The following RHBDL3 variants were observed in gnomAD, a reference collection of about 807,000 sequenced individuals.
RHBDL3 encodes rhomboid-related protein 3.
A neutral mutation model predicts 48.2 loss-of-function variants in RHBDL3; 28 were observed. That is an observed-to-expected ratio of 0.58 (90% confidence interval 0.43 to 0.80). The LOEUF is 0.80. Ranked by LOEUF, RHBDL3 falls within the 30% of genes least tolerant of loss-of-function variation. The pLI is 0.00. For missense variants in RHBDL3, 464 were observed against 542.7 expected, an observed-to-expected ratio of 0.85 and a Z score of 1.44; for synonymous variants, 208 against 232.3, an observed-to-expected ratio of 0.90 and a Z score of 0.95.
chr17:32,321,093 A>G lies in RHBDL3; in HGVS notation c.1079A>G (p.Asn360Ser), dbSNP rs1327601753. 6.2e-7 allele frequency: 1 copy of G among 1,614,194 alleles called. No homozygotes were observed. The highest frequency in any genetic ancestry group is 8.5e-7 in the Non-Finnish European group (1 of 1,180,016). The stretch of plus-strand genomic sequence containing the variant: ...ACCCTGGGCGTGGTGGTCCTGAGGA[A>G]CTACGAGCAGAGGCTCCAGGACCAG... ...GITLGVVVLR[N>S]YEQRLQDQSL... is the part of the protein sequence containing the mutation. Residue 360 changes from asparagine to serine, a missense_variant, in exon 9 of 9, where the codon AAC becomes AGC. By Grantham distance (46) the Asn-to-Ser change is conservative. Transcript: ENST00000269051.
At chr17:32,267,880 G>T in intron 1 of RHBDL3, 22 bp from the exon 2 acceptor site, 2 of 1,613,864 alleles carry the variant, frequency 1.2e-6, no homozygotes, top group Non-Finnish European at 1.7e-6. Flanking sequence ...TTCCTCTCCT[G>T]CATGGCCTCC....
chr17:32,283,530 A>C (rs372060151), intron 2 of RHBDL3, among the ~76,000 whole-genome samples: 11 of 151,312 alleles, frequency 7.3e-5, no homozygotes, highest in East Asian at 5.8e-4. Flanking sequence ...TCACCGTGTT[A>C]GCCAGGATGG....
intron 3 of RHBDL3, among the ~76,000 whole-genome samples, chr17:32,285,143 A>T: frequency 7.7e-6 from 1 of 129,198 alleles, no homozygotes; most frequent in African/African-American, 2.9e-5. Context: ...AGAGAGAGGG[A>T]GGGAGGGATG....
chr17:32,295,162 C>T (rs2040419321), intron 5 of RHBDL3, among the ~76,000 whole-genome samples: 1 of 152,168 alleles, frequency 6.6e-6, no homozygotes, highest in African/African-American at 2.4e-5. Context: ...TGGGGAAAAC[C>T]GTGGGGGTGC....
chr17:32,316,128 G>T, intron 7 of RHBDL3, 104 bp from the exon 8 acceptor site: 1 of 807,128 alleles, frequency 1.2e-6, no homozygotes, highest in South Asian at 1.5e-5. Context: ...TCTCATTCAG[G>T]ACTTCACGGA....
chr17:32,302,211 A>T (rs913870588), intron 6 of RHBDL3, among the ~76,000 whole-genome samples: 1 of 152,036 alleles, frequency 6.6e-6, no homozygotes, highest in African/African-American at 2.4e-5. Context: ...TCTGGAGGGG[A>T]TTCCTCCCTG....
At position 32,266,162 on chromosome 17, in the gene RHBDL3, G is replaced by T; in HGVS notation, c.-28G>T. The T allele has an allele frequency of 1.0e-6, 1 of 985,954 alleles. No homozygotes were observed. The highest frequency in any genetic ancestry group is 4.3e-5 in the East Asian group (1 of 23,254). 61.1% of individuals were successfully genotyped at this position (985,954 alleles called of 1,614,324 possible). A position where few individuals can be genotyped will look rare whatever the true frequency, so the allele number is the denominator to read the frequency against. On this transcript the variant is annotated 5_prime_UTR_variant, in exon 1 of 9. Coordinates refer to ENST00000269051, the MANE Select transcript of RHBDL3 (RefSeq NM_138328.3). ...GCGCCCCGGGACGAGCCCCGCAGCC[G>T]CCGCCGCCCCCGGACCCCGTCTCGG...
At chr17:32,309,179 AGTGTGTGT>A (rs61558385) in intron 7 of RHBDL3, among the ~76,000 whole-genome samples, 13,537 of 149,622 alleles carry the variant, frequency 0.09, 1,545 homozygotes, top group African/African-American at 0.27. Flanking sequence ...GAAGGTTTGG[AGTGTGTGT>A]GTGTGTGTGT....
chr17:32,321,404 AG>A lies in RHBDL3; in HGVS notation c.*177del. The A allele has an allele frequency of 6.6e-7, 1 of 1,525,694 alleles. No homozygotes were observed. Among genetic ancestry groups the A allele is most frequent in the South Asian group, 1.2e-5 (1 of 82,814 alleles). The allele number at this position is 1,525,694 out of a possible 1,614,324, so 94.5% of individuals were successfully genotyped here. A position where few individuals can be genotyped will look rare whatever the true frequency, so the allele number is the denominator to read the frequency against. On this transcript the variant is annotated 3_prime_UTR_variant, in exon 9 of 9. Transcript: ENST00000269051. ...CACACAGTGGAGACCCTTTTCTGAAAGGCATCTGGCGGAGGAGTTGATGTGG... is the reference window on the plus strand; with the variant it reads ...CACACAGTGGAGACCCTTTTCTGAAAGCATCTGGCGGAGGAGTTGATGTGG...
At chr17:32,283,528 T>C (rs534276542) in intron 2 of RHBDL3, among the ~76,000 whole-genome samples, 150 of 151,452 alleles carry the variant, frequency 9.9e-4, no homozygotes, top group South Asian at 1.9e-3. Context: ...TTTCACCGTG[T>C]TAGCCAGGAT....
chr17:32,286,644 T>C (rs534882947), intron 3 of RHBDL3, among the ~76,000 whole-genome samples: 2 of 152,372 alleles, frequency 1.3e-5, no homozygotes, highest in East Asian at 3.9e-4. Context: ...CTCTGCATCC[T>C]TTGTGAGCCT....
intron 6 of RHBDL3, among the ~76,000 whole-genome samples, chr17:32,299,757 G>A (rs1288341339): frequency 1.3e-5 from 2 of 152,196 alleles, no homozygotes; most frequent in African/African-American, 4.8e-5. Flanking sequence ...GATTCAAACA[G>A]AAGCAGAGCT....
At chr17:32,271,787 C>T (rs1474150717) in intron 2 of RHBDL3, among the ~76,000 whole-genome samples, 1 of 152,218 alleles carries the variant, frequency 6.6e-6, no homozygotes, top group Non-Finnish European at 1.5e-5. Context: ...TCCCTTCTCA[C>T]TGGGAGCCTG....
intron 2 of RHBDL3, among the ~76,000 whole-genome samples, chr17:32,278,431 C>T (rs545298389): frequency 6.6e-6 from 1 of 152,232 alleles, no homozygotes; most frequent in African/African-American, 2.4e-5. Context: ...CGCGAACTCA[C>T]TCTCTGACCT....
chr17:32,267,984 T>TCC, intron 2 of RHBDL3, 59 bp downstream of exon 2: 1 of 1,373,978 alleles, frequency 7.3e-7, no homozygotes, highest in South Asian at 1.2e-5. Flanking sequence ...GGTCTCAGTC[T>TCC]CCCTGCTTGC....
chr17:32,296,331 CTTTTTTTTTT>C (rs5819975), intron 5 of RHBDL3, among the ~76,000 whole-genome samples: 42 of 83,782 alleles, frequency 5.0e-4, no homozygotes, highest in Non-Finnish European at 7.2e-4. Flanking sequence ...GAATAGGTCT[CTTTTTTTTTT>C]TTTTTTTTTT....
chr17:32,321,383 C>T lies in RHBDL3; in HGVS notation c.*154C>T, dbSNP rs1231699078. On this transcript the variant is annotated 3_prime_UTR_variant, in exon 9 of 9. Transcript: ENST00000269051. The stretch of plus-strand genomic sequence containing the variant: ...ATGTTTGTGTTTAGATTTGGACACA[C>T]AGTGGAGACCCTTTTCTGAAAGGCA... 5.2e-6 allele frequency: 8 copies of T among 1,533,644 alleles called. No individual in the cohort carries two copies. The highest frequency in any genetic ancestry group is 7.0e-6 in the Non-Finnish European group (8 of 1,144,676).
intron 3 of RHBDL3, chr17:32,288,173 T>C (rs2040241631): frequency 6.6e-6 from 1 of 152,518 alleles, no homozygotes; most frequent in East Asian, 1.9e-4. Flanking sequence ...AGCTAGCGTG[T>C]CTGAGGGTGC....
Position 32,303,395 on chromosome 17 carries a change from C to T in RHBDL3, c.782-1946C>T, listed in dbSNP as rs749097715. 7.2e-5 allele frequency among the ~76,000 whole-genome samples: 11 copies of T among 152,312 alleles called. No homozygotes were observed. In the South Asian group the frequency reaches 8.3e-4, roughly 11 times the overall value. ...CCTGCAATGCAGCCTTCGAAGACAG[C>T]CCCACCAGGAGAGCGTGGGAAACCT... is the stretch of plus-strand genomic sequence containing the variant. On this transcript the variant is annotated intron_variant, in intron 6 of 8. Coordinates refer to ENST00000269051, the MANE Select transcript of RHBDL3 (RefSeq NM_138328.3).
Sources: gnomAD v4.1 joint callset for allele counts (sites outside exome capture counted in the v4.1 genomes callset) on GRCh38, gnomAD v4.1.1 for gene constraint, MANE v1.5 for transcripts, NCBI Gene and HGNC (gene_info 2026-07-23, HGNC 2026-07-21) for gene names.